DCUN1D4: variants seen among roughly 807,000 people sequenced by gnomAD.
The protein encoded by DCUN1D4 is DCN1-like protein 4.
A neutral mutation model predicts 47.9 loss-of-function variants in DCUN1D4; 22 were observed. The observed-to-expected ratio is 0.46, with a 90% CI of 0.33 to 0.66. DCUN1D4 has a LOEUF of 0.66. DCUN1D4 is among the 30% of genes least tolerant of loss of function. The pLI is 0.02. For missense variants in DCUN1D4, 301 were observed against 340.8 expected, an observed-to-expected ratio of 0.88 and a Z score of 0.92; for synonymous variants, 121 against 112.2, an observed-to-expected ratio of 1.08 and a Z score of -0.50.
In DCUN1D4 at chr4:51,863,473, A is replaced by G; in HGVS notation, c.62A>G (p.Asn21Ser). The G allele has an allele frequency of 5.0e-6, 8 of 1,613,034 alleles. No individual in the cohort carries two copies. Among genetic ancestry groups the G allele is most frequent in the Non-Finnish European group, 6.8e-6 (8 of 1,179,550 alleles). ...AACTCTCATCTCTCAACACTGGCAA[A>G]TATTCATAAGATCTACCACACCCTT... Reference protein sequence around the residue: ...QLNSHLSTLANIHKIYHTLNK... With the variant: ...QLNSHLSTLASIHKIYHTLNK... Residue 21 changes from asparagine (N) to serine (S), a missense_variant, in exon 2 of 11, where the codon AAT becomes AGT. Coordinates refer to ENST00000334635, the MANE Select transcript of DCUN1D4 (RefSeq NM_001040402.3).
At chr4:51,852,784 T>C (rs1164213274) in intron 1 of DCUN1D4, among the ~76,000 whole-genome samples, 4 of 152,218 alleles carry the variant, frequency 2.6e-5, no homozygotes, top group African/African-American at 7.2e-5. Context: ...TTATTTCGGC[T>C]TTATGGATGA....
rs759455349 is a variant in DCUN1D4 at position 51,874,322 on chromosome 4, C to T, written c.188C>T (p.Pro63Leu). The T allele has an allele frequency of 5.0e-6, 8 of 1,613,376 alleles. No individual in the cohort carries two copies. The highest frequency in any genetic ancestry group is 6.8e-6 in the Non-Finnish European group (8 of 1,179,832). ...GACTGCTTTAATAAAGTGATGCCAC[C>T]AAGGAAAAAGAGAAGACCTGCCTCT... ...SSDCFNKVMP[P>L]RKKRRPASGD... The change falls in exon 4 of 11, where the codon CCA becomes CTA. Residue 63 changes from proline to leucine, a missense_variant. Coordinates refer to ENST00000334635, the MANE Select transcript of DCUN1D4 (RefSeq NM_001040402.3).
the DCUN1D4 span, among the ~76,000 whole-genome samples, chr4:51,835,016 G>A: frequency 2.0e-5 from 3 of 152,188 alleles, no homozygotes; most frequent in African/African-American, 7.2e-5. Context: ...TGGGCAGAGA[G>A]AATACAGGAG....
chr4:51,838,672 C>T (rs568561204), upstream of DCUN1D4, among the ~76,000 whole-genome samples: 4 of 152,274 alleles, frequency 2.6e-5, no homozygotes, highest in East Asian at 7.7e-4. Context: ...CATGAGCCAC[C>T]ATGCCCAGCC....
upstream of DCUN1D4, among the ~76,000 whole-genome samples, chr4:51,840,044 G>T (rs1721593203): frequency 6.6e-6 from 1 of 152,110 alleles, no homozygotes; most frequent in South Asian, 2.1e-4. Flanking sequence ...CATTAACATG[G>T]AGTAACTTGC....
At chr4:51,846,862 C>T (rs568279835) in intron 1 of DCUN1D4, among the ~76,000 whole-genome samples, 1 of 152,280 alleles carries the variant, frequency 6.6e-6, no homozygotes, top group Non-Finnish European at 1.5e-5. Flanking sequence ...TCCTCAGGCT[C>T]ATTTGCCTCA....
At position 51,913,305 on chromosome 4, in the gene DCUN1D4, G is replaced by A. The variant is rs775424175; in HGVS notation, c.736G>A (p.Val246Ile). 5.0e-6 allele frequency: 8 copies of A among 1,606,848 alleles called. No homozygotes were observed. The Admixed American group carries it at 1.3e-4, about 27-fold the overall frequency. ...HQFLEQSKYK[V>I]INKDQWCNVL... Reference sequence around the variant, plus strand: ...CCTCCATCAGCAATCAAAATACAAAGTTATTAATAAAGACCAGTGGTGCAA... The same window carrying A: ...CCTCCATCAGCAATCAAAATACAAAATTATTAATAAAGACCAGTGGTGCAA... Residue 246 changes from valine to isoleucine, a missense_variant, in exon 10 of 11, where the codon GTT (valine) becomes ATT (isoleucine). Val to Ile is a conservative substitution (Grantham distance 29, BLOSUM62 3). Around this residue, in one of 2 missense-constraint regions of DCUN1D4, gnomAD observed 170 missense variants for 234.5 expected, o/e 0.73. Coordinates refer to ENST00000334635, the MANE Select transcript of DCUN1D4 (RefSeq NM_001040402.3).
Position 51,914,950 on chromosome 4 carries a change from G to T in DCUN1D4, c.*1366G>T, listed in dbSNP as rs575365989. The T allele has an allele frequency of 3.3e-5, 5 of 151,002 alleles. No homozygotes were observed. Among genetic ancestry groups the T allele is most frequent in the Non-Finnish European group, 5.9e-5 (4 of 67,776 alleles). 9.4% of individuals were successfully genotyped at this position (151,002 alleles called of 1,614,324 possible). A position where few individuals can be genotyped will look rare whatever the true frequency, so the allele number is the denominator to read the frequency against. On this transcript the variant is annotated 3_prime_UTR_variant, in exon 11 of 11. Coordinates refer to ENST00000334635, the MANE Select transcript of DCUN1D4 (RefSeq NM_001040402.3). ...TTCTGTGAAAACACAAAAGTCTAAT[G>T]ATTTGAGTGAGTAAAAGGTAATGGT... is the stretch of plus-strand genomic sequence containing the variant.
intron 3 of DCUN1D4, among the ~76,000 whole-genome samples, chr4:51,864,778 A>T (rs1167451801): frequency 6.6e-6 from 1 of 152,208 alleles, no homozygotes; most frequent in Admixed American, 6.5e-5. Flanking sequence ...AGCTTTCAGC[A>T]TGTAAATTTT....
intron 6 of DCUN1D4, among the ~76,000 whole-genome samples, chr4:51,889,579 C>G (rs1264136276): frequency 6.6e-6 from 1 of 151,986 alleles, no homozygotes; most frequent in African/African-American, 2.4e-5. Context: ...TGTGTGTGTT[C>G]TTGCACCCTC....
chr4:51,882,055 T>G (rs1488405155), intron 5 of DCUN1D4, among the ~76,000 whole-genome samples: 4 of 152,162 alleles, frequency 2.6e-5, no homozygotes, highest in Non-Finnish European at 4.4e-5. Flanking sequence ...TAATGTTGAT[T>G]GGCAAACTAT....
intron 4 of DCUN1D4, among the ~76,000 whole-genome samples, chr4:51,877,193 G>A (rs948133089): frequency 6.6e-6 from 1 of 152,184 alleles, no homozygotes; most frequent in Non-Finnish European, 1.5e-5. Context: ...GGTTTCTAAG[G>A]TTATACTAAT....
chr4:51,841,806 C>T (rs1721674156), upstream of DCUN1D4, among the ~76,000 whole-genome samples: 1 of 151,994 alleles, frequency 6.6e-6, no homozygotes, highest in African/African-American at 2.4e-5. Flanking sequence ...AACCCAAAAG[C>T]CTGGGCTGTA....
At chr4:51,889,593 A>AT (rs574386912) in intron 6 of DCUN1D4, among the ~76,000 whole-genome samples, 69 of 150,768 alleles carry the variant, frequency 4.6e-4, no homozygotes, top group Non-Finnish European at 7.1e-4. Flanking sequence ...CACCCTCACC[A>AT]TTTTTTTTTA....
At chr4:51,851,701 G>A (rs1723396055) in intron 1 of DCUN1D4, among the ~76,000 whole-genome samples, 1 of 152,112 alleles carries the variant, frequency 6.6e-6, no homozygotes, top group African/African-American at 2.4e-5. Flanking sequence ...AATGGGGAGG[G>A]ACTAACACGA....
chr4:51,869,908 G>A (rs1257277702), intron 3 of DCUN1D4, among the ~76,000 whole-genome samples: 2 of 152,136 alleles, frequency 1.3e-5, no homozygotes, highest in African/African-American at 4.8e-5. Context: ...TTGAAACACT[G>A]AACCCAAAAG....
the DCUN1D4 span, among the ~76,000 whole-genome samples, chr4:51,836,705 A>G: frequency 6.6e-6 from 1 of 152,182 alleles, no homozygotes; most frequent in South Asian, 2.1e-4. Flanking sequence ...ATAACACATT[A>G]TCATCACCAA....
chr4:51,903,108 AATATATCAT>A (rs1732362067), intron 8 of DCUN1D4, among the ~76,000 whole-genome samples: 1 of 152,140 alleles, frequency 6.6e-6, no homozygotes, highest in Non-Finnish European at 1.5e-5. Context: ...AGAAATACCA[AATATATCAT>A]ATATATCTAT....
chr4:51,853,549 G>A (rs1380963065), intron 1 of DCUN1D4, among the ~76,000 whole-genome samples: 1 of 152,208 alleles, frequency 6.6e-6, no homozygotes, highest in Non-Finnish European at 1.5e-5. Flanking sequence ...TGTTCCAGGA[G>A]TGGATTGGCT....
Sources: gnomAD v4.1 joint callset for allele counts (sites outside exome capture counted in the v4.1 genomes callset) on GRCh38, gnomAD v4.1.1 for gene constraint, gnomAD v4.1.1 regional missense constraint, MANE v1.5 for transcripts, NCBI Gene and HGNC (gene_info 2026-07-23, HGNC 2026-07-21) for gene names.